IQGAP2: variants seen among roughly 807,000 people sequenced by gnomAD.
The protein encoded by IQGAP2 is ras GTPase-activating-like protein IQGAP2.
IQGAP2 carries 173 observed loss-of-function variants against 201.3 expected under a neutral mutation model. The observed-to-expected ratio is 0.86, with a 90% CI of 0.76 to 0.98. The LOEUF (loss-of-function observed/expected upper bound fraction) is 0.98, where lower values mean the gene tolerates loss of function less well. IQGAP2 is among the 50% of genes least tolerant of loss of function. IQGAP2 has a pLI of 0.00. For synonymous variants in IQGAP2, 675 were observed against 673.9 expected (o/e 1.00, Z -0.03); for missense variants, 1,687 against 1,864.8 (o/e 0.90, Z 1.76).
intron 2 of IQGAP2, among the ~76,000 whole-genome samples, chr5:76,559,852 T>G (rs1744235943): frequency 6.6e-6 from 1 of 152,034 alleles, no homozygotes; most frequent in South Asian, 2.1e-4. Flanking sequence ...CCCCACTGAG[T>G]GTGGTGGGGG....
chr5:76,545,545 T>G (rs1176342575), intron 2 of IQGAP2, among the ~76,000 whole-genome samples: 1 of 152,214 alleles, frequency 6.6e-6, no homozygotes, highest in Non-Finnish European at 1.5e-5. Flanking sequence ...TAGATTTGTG[T>G]GTATTCTTGC....
At chr5:76,576,288 G>C (rs902296121) in intron 5 of IQGAP2, among the ~76,000 whole-genome samples, 1 of 152,094 alleles carries the variant, frequency 6.6e-6, no homozygotes, top group African/African-American at 2.4e-5. Flanking sequence ...ATAGTAGTTT[G>C]GTGTAAATTA....
At chr5:76,473,744 A>ACC (rs1418094047) in intron 2 of IQGAP2, among the ~76,000 whole-genome samples, 1 of 152,158 alleles carries the variant, frequency 6.6e-6, no homozygotes, top group East Asian at 1.9e-4. Flanking sequence ...CCTCCATACC[A>ACC]CCTTCAATTC....
At chr5:76,424,736 C>T (rs899634201) in intron 1 of IQGAP2, among the ~76,000 whole-genome samples, 6 of 152,234 alleles carry the variant, frequency 3.9e-5, no homozygotes, top group African/African-American at 1.2e-4. Context: ...CGACATGGCC[C>T]ACTGGCCCAG....
chr5:76,441,662 C>T (rs1425062813), intron 1 of IQGAP2: 1 of 231,660 alleles, frequency 4.3e-6, no homozygotes, highest in Non-Finnish European at 7.1e-6. Context: ...GCTGTTAATA[C>T]CTGTTACTTT....
chr5:76,529,559 C>G (rs1409715245), intron 2 of IQGAP2, among the ~76,000 whole-genome samples: 1 of 151,372 alleles, frequency 6.6e-6, no homozygotes, highest in Non-Finnish European at 1.5e-5. Flanking sequence ...ACCCGGGAGG[C>G]GAAGGCTGCA....
intron 30 of IQGAP2, among the ~76,000 whole-genome samples, chr5:76,693,135 A>G (rs755178393): frequency 1.1e-4 from 17 of 152,256 alleles, no homozygotes; most frequent in East Asian, 1.9e-4. Context: ...ATAATGCTAC[A>G]ACATCAAGCA....
At chr5:76,554,095 A>G (rs1743743828) in intron 2 of IQGAP2, among the ~76,000 whole-genome samples, 1 of 152,200 alleles carries the variant, frequency 6.6e-6, no homozygotes, top group African/African-American at 2.4e-5. Flanking sequence ...AGGTGCCAAG[A>G]CAGTTCAACA....
chr5:76,455,037 ATATTCT>A (rs1422291553), intron 1 of IQGAP2, among the ~76,000 whole-genome samples: 1 of 152,200 alleles, frequency 6.6e-6, no homozygotes, highest in African/African-American at 2.4e-5. Context: ...AAGAAATTAG[ATATTCT>A]TATTCAGATT....
rs1263826403 is a variant in IQGAP2, at chr5:76,497,076, CCTCAGCCT to C, written c.146+35412_146+35419del. Among the ~76,000 whole-genome samples the C allele has an allele frequency of 1.1e-4, 16 of 152,258 alleles. No homozygotes were observed. In the South Asian group the frequency reaches 3.3e-3, roughly 32 times the overall value. On this transcript the variant is annotated intron_variant, in intron 2 of 35. Transcript: ENST00000274364. ...AACTCCTGACCTCATGATCCACCCA[CCTCAGCCT>C]CTCAAAGTGCTGGGATTACAGGCAT...
At chr5:76,502,384 A>G (rs1294313759) in intron 2 of IQGAP2, among the ~76,000 whole-genome samples, 1 of 152,236 alleles carries the variant, frequency 6.6e-6, no homozygotes, top group Non-Finnish European at 1.5e-5. Context: ...GCTTTGCCAC[A>G]GTGTTTTTTG....
intron 1 of IQGAP2, among the ~76,000 whole-genome samples, chr5:76,444,167 C>A (rs1753227500): frequency 6.6e-6 from 1 of 152,176 alleles, no homozygotes; most frequent in Admixed American, 6.5e-5. Context: ...AGAAAGATCA[C>A]TTGAGCTCAG....
intron 1 of IQGAP2, among the ~76,000 whole-genome samples, chr5:76,439,689 C>T (rs1561372888): frequency 6.6e-6 from 1 of 151,622 alleles, no homozygotes; most frequent in African/African-American, 2.4e-5. Context: ...TTTTGGTTTC[C>T]ATTTGCGTGG....
At chr5:76,689,230 TAAA>T (rs11424254) in intron 30 of IQGAP2, among the ~76,000 whole-genome samples, 2,720 of 86,506 alleles carry the variant, frequency 0.031, 49 homozygotes, top group Middle Eastern at 0.1. Flanking sequence ...CAGGGATATT[TAAA>T]AAAAAAAAAA....
In IQGAP2 at chr5:76,461,682, C is replaced by T; in HGVS notation, c.146+13C>T. ...AGGAAGCCAAAAGGTAAGATCCAGACTTAGTCTATTTGTGCACCATCTCTT... is the reference window on the plus strand; with the variant it reads ...AGGAAGCCAAAAGGTAAGATCCAGATTTAGTCTATTTGTGCACCATCTCTT... On this transcript the variant is annotated intron_variant, in intron 2 of 35. Transcript: ENST00000274364. 2 of 1,576,560 alleles carry T rather than the reference C, an allele frequency of 1.3e-6. No homozygotes were observed. Among genetic ancestry groups the T allele is most frequent in the Admixed American group, 1.7e-5 (1 of 59,940 alleles).
At chr5:76,684,269 C>T (rs1386490760) in intron 30 of IQGAP2, among the ~76,000 whole-genome samples, 2 of 152,146 alleles carry the variant, frequency 1.3e-5, no homozygotes, top group African/African-American at 2.4e-5. Flanking sequence ...AGTTAACCAA[C>T]GTTTATTTCC....
chr5:76,496,725 TTTTCTTTCTTTCTTTCTTTCTTTC>T lies in IQGAP2; in HGVS notation c.146+35102_146+35125del, dbSNP rs774957947. On this transcript the variant is annotated intron_variant, in intron 2 of 35. Transcript: ENST00000274364. Reference sequence around the variant, plus strand: ...GTCTCTTTCTTTCTTTCTTTCTTTCTTTTCTTTCTTTCTTTCTTTCTTTCTTTCTTTCTTTCTTTCTTTCTTTCT... The same window carrying T: ...GTCTCTTTCTTTCTTTCTTTCTTTCTTTTCTTTCTTTCTTTCTTTCTTTCT... Among the ~76,000 whole-genome samples the T allele has an allele frequency of 1.3e-4, 12 of 93,672 alleles. 1 individual carries two copies. The East Asian group carries it at 2.4e-3, about 19-fold the overall frequency. 61.5% of individuals were successfully genotyped at this position (93,672 alleles called of 152,430 possible). A position where few individuals can be genotyped will look rare whatever the true frequency, so the allele number is the denominator to read the frequency against.
chr5:76,575,576 C>T (rs979987460), intron 4 of IQGAP2, 117 bp from the exon 5 acceptor site: 6 of 523,990 alleles, frequency 1.1e-5, no homozygotes, highest in Admixed American at 3.8e-5. Context: ...AGAGAGGTTC[C>T]TCTATATTTA....
At chr5:76,525,754 C>T (rs1182388282) in intron 2 of IQGAP2, among the ~76,000 whole-genome samples, 1 of 152,164 alleles carries the variant, frequency 6.6e-6, no homozygotes, top group Non-Finnish European at 1.5e-5. Flanking sequence ...TAAGAAAACA[C>T]TTATGGCACA....
Sources: gnomAD v4.1 joint callset for allele counts (sites outside exome capture counted in the v4.1 genomes callset) on GRCh38, gnomAD v4.1.1 for gene constraint, MANE v1.5 for transcripts, NCBI Gene and HGNC (gene_info 2026-07-23, HGNC 2026-07-21) for gene names.